Variants in ST3GAL2 observed in about 807,000 individuals in gnomAD.
ST3GAL2 encodes the protein CMP-N-acetylneuraminate-beta-galactosamide-alpha-2,3-sialyltransferase 2.
In ST3GAL2, 16 loss-of-function variants were observed where a neutral mutation model predicts 37.5. That is an observed-to-expected ratio of 0.43 (90% CI 0.29 to 0.65). ST3GAL2 has a LOEUF of 0.65. Ranked by LOEUF, ST3GAL2 falls within the 30% of genes least tolerant of loss-of-function variation. The pLI is 0.17. For missense variants in ST3GAL2, 383 were observed against 487.8 expected (o/e 0.79, Z 2.02); for synonymous variants, 238 against 202.9 (o/e 1.17, Z -1.47).
chr16:70,420,198 G>A (rs1400532550), intron 1 of ST3GAL2, among the ~76,000 whole-genome samples: 2 of 151,978 alleles, frequency 1.3e-5, no homozygotes, highest in Admixed American at 6.6e-5. Context: ...GAACCAGGTG[G>A]GGAGACTTCT....
intron 2 of ST3GAL2, among the ~76,000 whole-genome samples, chr16:70,396,354 C>A (rs2047516359): frequency 6.7e-6 from 1 of 150,260 alleles, no homozygotes; most frequent in Admixed American, 6.6e-5. Flanking sequence ...GTGGATGGAG[C>A]CATAACTTGA....
chr16:70,422,026 A>C (rs2047718318), intron 1 of ST3GAL2, among the ~76,000 whole-genome samples: 1 of 152,140 alleles, frequency 6.6e-6, no homozygotes, highest in South Asian at 2.1e-4. Flanking sequence ...TCAGCCCCCG[A>C]AAGTGCTGGA....
intron 1 of ST3GAL2, among the ~76,000 whole-genome samples, chr16:70,404,981 C>T (rs547499311): frequency 1.3e-4 from 20 of 149,622 alleles, no homozygotes; most frequent in Admixed American, 4.7e-4. Context: ...TGCAGTGAGC[C>T]GAGATCGCAC....
At chr16:70,390,980 G>A (rs2047478628) in intron 3 of ST3GAL2, among the ~76,000 whole-genome samples, 1 of 152,162 alleles carries the variant, frequency 6.6e-6, no homozygotes, top group African/African-American at 2.4e-5. Context: ...AGGAACACAG[G>A]GAGCCAGGGA....
intron 1 of ST3GAL2, among the ~76,000 whole-genome samples, chr16:70,433,807 G>A (rs1004064890): frequency 1.3e-5 from 2 of 152,222 alleles, no homozygotes; most frequent in African/African-American, 4.8e-5. Context: ...CCAAGTTGCT[G>A]CTTGCAACCA....
intron 4 of ST3GAL2, among the ~76,000 whole-genome samples, chr16:70,384,705 C>CAAAAA (rs34907504): frequency 1.4e-5 from 1 of 69,112 alleles, no homozygotes. Flanking sequence ...AACTCTGTCT[C>CAAAAA]AAAAAAAAAA....
chr16:70,426,139 C>G (rs1200565362), intron 1 of ST3GAL2, among the ~76,000 whole-genome samples: 1 of 150,074 alleles, frequency 6.7e-6, no homozygotes, highest in Admixed American at 6.6e-5. Context: ...TAGGATCCTA[C>G]GTTCCATTGC....
chr16:70,376,918 T>C lies in ST3GAL2; in HGVS notation c.*4771A>G, dbSNP rs1046064772. ...CACTAAGCCTGGCCAATTTTTTGTA[T>C]TTTTAGTAGAGACGGGGTTTCACCA... On this transcript the variant is annotated 3_prime_UTR_variant, in exon 7 of 7. Coordinates refer to ENST00000342907, the MANE Select transcript of ST3GAL2 (RefSeq NM_006927.4). 1.3e-5 allele frequency: 2 copies of C among 151,962 alleles called. No homozygotes were observed. The highest frequency in any genetic ancestry group is 6.6e-5 in the Admixed American group (1 of 15,228). 9.4% of individuals were successfully genotyped at this position (151,962 alleles called of 1,614,324 possible).
At position 70,395,068 on chromosome 16, in the gene ST3GAL2, G is replaced by A; in HGVS notation, c.447C>T (p.Cys149=). The A allele has an allele frequency of 6.2e-7, 1 of 1,613,972 alleles. No homozygotes were observed. Among genetic ancestry groups the A allele is most frequent in the East Asian group, 2.2e-5 (1 of 44,852 alleles). The change falls in exon 3 of 7, where the codon TGC becomes TGT. Residue 149 remains cysteine (C), a synonymous_variant. Coordinates refer to ENST00000342907, the MANE Select transcript of ST3GAL2 (RefSeq NM_006927.4). ...NPYRFRDPHQ[C]RRCAVVGNSG... ...AGTTCCCCACCACGGCACAGCGCCG[G>A]CACTGGTGGGGGTCCCGGAAGCGGT...
chr16:70,432,234 T>C (rs2047796147), intron 1 of ST3GAL2, among the ~76,000 whole-genome samples: 1 of 152,192 alleles, frequency 6.6e-6, no homozygotes, highest in Non-Finnish European at 1.5e-5. Flanking sequence ...TACATGGTAG[T>C]ATCCACTGCA....
chr16:70,434,446 A>AC (rs1000175288), intron 1 of ST3GAL2, among the ~76,000 whole-genome samples: 1 of 152,144 alleles, frequency 6.6e-6, no homozygotes, highest in African/African-American at 2.4e-5. Flanking sequence ...AAAAACAAAA[A>AC]AAAAAAAATT....
At chr16:70,393,793 TACATGGA>T (rs2047497647) in intron 3 of ST3GAL2, 1 of 152,234 alleles carries the variant, frequency 6.6e-6, no homozygotes, top group Non-Finnish European at 1.5e-5. Context: ...AGGAAGGTCT[TACATGGA>T]ATGCTGAATG....
At chr16:70,407,012 C>T (rs996455193) in intron 1 of ST3GAL2, among the ~76,000 whole-genome samples, 6 of 152,086 alleles carry the variant, frequency 3.9e-5, no homozygotes, top group Admixed American at 3.3e-4. Context: ...GCCGAGCAAG[C>T]GGCACAGACA....
rs2047417167 is a variant in ST3GAL2, at chr16:70,383,058, A to G, written c.759+132T>C. On this transcript the variant is annotated intron_variant, in intron 5 of 6. Transcript: ENST00000342907. Reference sequence around the variant, plus strand: ...TCTCCTGAATCGTGTGGCACCTGCTAGGGTCAGGCATCTCGGCAGATGGGG... The same window carrying G: ...TCTCCTGAATCGTGTGGCACCTGCTGGGGTCAGGCATCTCGGCAGATGGGG... 3.8e-6 allele frequency: 6 copies of G among 1,579,666 alleles called. No homozygotes were observed. In the East Asian group the frequency reaches 1.3e-4, roughly 35 times the overall value.
At chr16:70,417,793 A>G (rs986627521) in intron 1 of ST3GAL2, among the ~76,000 whole-genome samples, 1 of 142,438 alleles carries the variant, frequency 7.0e-6, no homozygotes, top group Non-Finnish European at 1.5e-5. Flanking sequence ...TCTGGAGTGT[A>G]TGGGGTGGCA....
At chr16:70,392,436 G>T (rs1423001848) in intron 3 of ST3GAL2, among the ~76,000 whole-genome samples, 3 of 152,242 alleles carry the variant, frequency 2.0e-5, no homozygotes, top group African/African-American at 7.2e-5. Context: ...TTCAGGGACA[G>T]GGGCGCAAGT....
rs564584573 is a variant in ST3GAL2 at position 70,379,222 on chromosome 16, G to C, written c.*2467C>G. On this transcript the variant is annotated 3_prime_UTR_variant, in exon 7 of 7. Transcript: ENST00000342907. ...AAAGTGGTTACAGGACAGCCACTGC[G>C]AGGAGCTGCTACCAGGAATCCTCTC... The C allele has an allele frequency of 1.3e-5, 2 of 152,188 alleles. No individual in the cohort carries two copies. The highest frequency in any genetic ancestry group is 2.9e-5 in the Non-Finnish European group (2 of 68,050). 9.4% of individuals were successfully genotyped at this position (152,188 alleles called of 1,614,324 possible). A position where few individuals can be genotyped will look rare whatever the true frequency, so the allele number is the denominator to read the frequency against.
rs1321445266 is a variant in ST3GAL2, at chr16:70,401,975, C to T, written c.-1003-2442G>A. Reference sequence around the variant, plus strand: ...CGCCATTGTACTCCAGCCTGGGCGACAAGAGCAAAACTCTGCCTCAAAAAA... The same window carrying T: ...CGCCATTGTACTCCAGCCTGGGCGATAAGAGCAAAACTCTGCCTCAAAAAA... On this transcript the variant is annotated intron_variant, in intron 1 of 6. Coordinates refer to ENST00000342907, the MANE Select transcript of ST3GAL2 (RefSeq NM_006927.4). Among the ~76,000 whole-genome samples, 3 of 100,070 alleles carry T rather than the reference C, an allele frequency of 3.0e-5. No homozygotes were observed. The Admixed American group carries it at 4.6e-4, about 15-fold the overall frequency. The allele number at this position is 100,070 out of a possible 152,430, so 65.6% of individuals were successfully genotyped here.
intron 6 of ST3GAL2, among the ~76,000 whole-genome samples, chr16:70,382,483 C>T (rs900824038): frequency 6.6e-6 from 1 of 152,008 alleles, no homozygotes; most frequent in African/African-American, 2.4e-5. Flanking sequence ...GGGGCTTCAC[C>T]ATGTTGGCCA....
Sources: allele counts gnomAD v4.1 joint callset (sites outside exome capture counted in the v4.1 genomes callset), GRCh38; gene constraint gnomAD v4.1.1; transcripts MANE v1.5; gene names NCBI Gene and HGNC (gene_info 2026-07-23, HGNC 2026-07-21).